Variants in FHDC1 observed in about 807,000 individuals in gnomAD.
FHDC1 encodes the protein FH2 domain-containing protein 1.
A neutral mutation model predicts 52.6 loss-of-function variants in FHDC1; 25 were observed. The ratio of observed to expected loss-of-function variants is 0.48; its 90% confidence interval spans 0.35 to 0.66. The LOEUF is 0.66. Ranked by LOEUF, FHDC1 falls within the 30% of genes least tolerant of loss-of-function variation. The pLI, the probability that FHDC1 is intolerant of heterozygous loss-of-function variation, is 0.01. For missense variants in FHDC1, 1,459 were observed against 1,452.8 expected, an observed-to-expected ratio of 1.00 and a Z score of -0.07; for synonymous variants, 616 against 581.5, an observed-to-expected ratio of 1.06 and a Z score of -0.85.
chr4:152,971,753 A>T (rs1265834770), intron 10 of FHDC1, among the ~76,000 whole-genome samples: 1 of 152,164 alleles, frequency 6.6e-6, no homozygotes, highest in Non-Finnish European at 1.5e-5. Flanking sequence ...TGTTGGGTCC[A>T]CCCCAAACCT....
At chr4:152,915,076 G>A in the FHDC1 span, among the ~76,000 whole-genome samples, 1 of 152,072 alleles carries the variant, frequency 6.6e-6, no homozygotes, top group Admixed American at 6.5e-5. Context: ...CTGATTCTAT[G>A]TTAGGAAGCT....
chr4:152,918,078 T>C, the FHDC1 span, among the ~76,000 whole-genome samples: 1 of 152,196 alleles, frequency 6.6e-6, no homozygotes, highest in East Asian at 1.9e-4. Context: ...TTTGTTCTTT[T>C]AAAAAATATA....
intron 10 of FHDC1, 120 bp downstream of exon 10, chr4:152,968,217 C>G: frequency 1.5e-6 from 1 of 683,706 alleles, no homozygotes; most frequent in Non-Finnish European, 2.5e-6. Context: ...TTTTTTTCTC[C>G]AAGTTAGTCA....
the FHDC1 span, among the ~76,000 whole-genome samples, chr4:152,917,781 C>T: frequency 0.013 from 1,911 of 152,284 alleles, 42 homozygotes; most frequent in African/African-American, 0.042. Flanking sequence ...TCCACTAACA[C>T]CTTGAAGAGG....
At chr4:152,938,681 C>A (rs930129586) in intron 1 of FHDC1, among the ~76,000 whole-genome samples, 9 of 152,204 alleles carry the variant, frequency 5.9e-5, no homozygotes, top group African/African-American at 2.2e-4. Flanking sequence ...GTGGGCCAGC[C>A]CTTCCTGCCC....
chr4:152,917,867 A>G, the FHDC1 span, among the ~76,000 whole-genome samples: 2 of 152,158 alleles, frequency 1.3e-5, no homozygotes, highest in South Asian at 4.2e-4. Flanking sequence ...GGTTCACCAT[A>G]TTTTCTCTGT....
At position 152,976,558 on chromosome 4, in the gene FHDC1, C is replaced by A; in HGVS notation, c.3267C>A (p.Ala1089=). 1 of 1,612,860 alleles carries A rather than the reference C, an allele frequency of 6.2e-7. No individual in the cohort carries two copies. Among genetic ancestry groups the A allele is most frequent in the Non-Finnish European group, 8.5e-7 (1 of 1,179,716 alleles). ...APKDSSTLRR[A]SSARAPKKRP... ...AGGACAGCAGCACTTTGAGGCGAGCCAGCAGTGCCCGGGCCCCCAAGAAGC... is the reference window on the plus strand; with the variant it reads ...AGGACAGCAGCACTTTGAGGCGAGCAAGCAGTGCCCGGGCCCCCAAGAAGC... Residue 1089 remains alanine, a synonymous_variant, in exon 12 of 12, where the codon GCC becomes GCA. Coordinates refer to ENST00000511601, the MANE Select transcript of FHDC1 (RefSeq NM_001371116.1).
chr4:152,932,323 C>G (rs1258975832), upstream of FHDC1, among the ~76,000 whole-genome samples: 5 of 151,756 alleles, frequency 3.3e-5, no homozygotes, highest in African/African-American at 9.7e-5. Flanking sequence ...CCTGTAACCA[C>G]AGCACTTTGG....
Position 152,978,458 on chromosome 4 carries a change from A to G in FHDC1, c.*1735A>G, listed in dbSNP as rs1409202767. The G allele has an allele frequency of 6.6e-6, 1 of 152,202 alleles. No homozygotes were observed. The highest frequency in any genetic ancestry group is 1.5e-5 in the Non-Finnish European group (1 of 68,038). The allele number at this position is 152,202 out of a possible 1,614,324, so 9.4% of individuals were successfully genotyped here. On this transcript the variant is annotated 3_prime_UTR_variant, in exon 12 of 12. Coordinates refer to ENST00000511601, the MANE Select transcript of FHDC1 (RefSeq NM_001371116.1). ...CAAGTCAGGTTTTTTAAAGCAGACT[A>G]AAAGCATGAAATTGCTTTCAGAAGA...
At chr4:152,960,992 T>A in intron 6 of FHDC1, 148 bp downstream of exon 6, 1 of 524,982 alleles carries the variant, frequency 1.9e-6, no homozygotes, top group Non-Finnish European at 3.3e-6. Flanking sequence ...GGGATGCACT[T>A]AAGGTTGATT....
chr4:152,974,119 A>G (rs1173594321), intron 11 of FHDC1, among the ~76,000 whole-genome samples: 2 of 152,226 alleles, frequency 1.3e-5, no homozygotes, highest in Non-Finnish European at 2.9e-5. Flanking sequence ...TAATACATCC[A>G]AATCACTGTT....
intron 9 of FHDC1, among the ~76,000 whole-genome samples, 164 bp downstream of exon 9, chr4:152,965,139 AT>A (rs1408841834): frequency 6.6e-6 from 1 of 152,186 alleles, no homozygotes; most frequent in African/African-American, 2.4e-5. Flanking sequence ...CACCTTTGGA[AT>A]TTGGGGGTTT....
At chr4:152,949,158 AAGAAGAAGAAGAAGC>A in intron 2 of FHDC1, among the ~76,000 whole-genome samples, 1 of 142,032 alleles carries the variant, frequency 7.0e-6, no homozygotes, top group East Asian at 2.1e-4. Flanking sequence ...GAAGAAGAAG[AAGAAGAAGAAGAAGC>A]AGAAGAAGAA....
the FHDC1 span, among the ~76,000 whole-genome samples, chr4:152,913,567 T>C: frequency 6.6e-6 from 1 of 152,258 alleles, no homozygotes; most frequent in Non-Finnish European, 1.5e-5. Flanking sequence ...ACTACTTAAA[T>C]ACCTATTTGC....
At position 152,942,447 on chromosome 4, in the gene FHDC1, T is replaced by C. The variant is rs911155777; in HGVS notation, c.-130-481T>C. On this transcript the variant is annotated intron_variant, in intron 1 of 11. Transcript: ENST00000511601. ...ATTATTATATCATCTCCAAATGCCC[T>C]GTCTTATCCGTCCAAGGTGCAAGAT... is the stretch of plus-strand genomic sequence containing the variant. 2.6e-5 allele frequency among the ~76,000 whole-genome samples: 4 copies of C among 152,164 alleles called. No homozygotes were observed. In the South Asian group the frequency reaches 6.2e-4, roughly 24 times the overall value.
At chr4:152,927,847 G>C in the FHDC1 span, 1 of 1,436,130 alleles carries the variant, frequency 7.0e-7, no homozygotes. Flanking sequence ...AAGTGGAAAA[G>C]AAACTGACTG....
In FHDC1 at chr4:152,977,054, A is replaced by C; in HGVS notation, c.*331A>C. 4.8e-6 allele frequency: 1 copy of C among 206,530 alleles called. No individual in the cohort carries two copies. Among genetic ancestry groups the C allele is most frequent in the Non-Finnish European group, 9.6e-6 (1 of 104,256 alleles). 12.8% of individuals were successfully genotyped at this position (206,530 alleles called of 1,614,324 possible). A position where few individuals can be genotyped will look rare whatever the true frequency, so the allele number is the denominator to read the frequency against. On this transcript the variant is annotated 3_prime_UTR_variant, in exon 12 of 12. Coordinates refer to ENST00000511601, the MANE Select transcript of FHDC1 (RefSeq NM_001371116.1). ...GACATTCTTATGAAACAAGTCAAAA[A>C]AGTTTTTTTCAGGCCAGTTTTTATA...
chr4:152,913,527 C>G, the FHDC1 span, among the ~76,000 whole-genome samples: 1 of 152,282 alleles, frequency 6.6e-6, no homozygotes, highest in South Asian at 2.1e-4. Flanking sequence ...GCTAGTCATT[C>G]AAGTATAATT....
rs1739618208 is a variant in FHDC1 at position 152,943,050 on chromosome 4, A to G, written c.-8A>G. 1.2e-6 allele frequency: 2 copies of G among 1,604,650 alleles called. No individual in the cohort carries two copies. The highest frequency in any genetic ancestry group is 4.5e-5 in the East Asian group (2 of 44,806). On this transcript the variant is annotated 5_prime_UTR_variant, in exon 2 of 12. Transcript: ENST00000511601. ...CAAGAAATTATCTCCATAGGAGGCAACAGTACTATGCATGTTATGAATTGT... is the reference window on the plus strand; with the variant it reads ...CAAGAAATTATCTCCATAGGAGGCAGCAGTACTATGCATGTTATGAATTGT...
Sources: allele counts gnomAD v4.1 joint callset (sites outside exome capture counted in the v4.1 genomes callset), GRCh38; gene constraint gnomAD v4.1.1; transcripts MANE v1.5; gene names NCBI Gene and HGNC (gene_info 2026-07-23, HGNC 2026-07-21).